Variants in TFCP2 observed in about 807,000 individuals in gnomAD.
The protein encoded by TFCP2 is transcription factor CP2.
A neutral mutation model predicts 73.4 loss-of-function variants in TFCP2; 33 were observed. The observed-to-expected ratio is 0.45, with a 90% CI of 0.34 to 0.60. TFCP2 has a LOEUF of 0.60. Ranked by LOEUF, TFCP2 falls within the 20% of genes least tolerant of loss-of-function variation. The pLI is 0.01. For synonymous variants in TFCP2, 193 were observed against 211.6 expected (o/e 0.91, Z 0.76); for missense variants, 352 against 604.0 (o/e 0.58, Z 4.37).
intron 1 of TFCP2, among the ~76,000 whole-genome samples, chr12:51,127,623 C>A (rs1940843833): frequency 6.6e-6 from 1 of 152,320 alleles, no homozygotes; most frequent in African/African-American, 2.4e-5. Flanking sequence ...AGAGACAGAA[C>A]ATCTCAATTC....
rs149979645 is a variant in TFCP2 at position 51,102,735 on chromosome 12, T to C, written c.1061-710A>G. ...GAGACTCCGTCTCAAAAAATAAATA[T>C]ATAAATAAATCCTGGATTCACCTCA... is the stretch of plus-strand genomic sequence containing the variant. On this transcript the variant is annotated intron_variant, in intron 10 of 14. Transcript: ENST00000257915. Among the ~76,000 whole-genome samples the C allele has an allele frequency of 2.0e-5, 3 of 151,424 alleles. No individual in the cohort carries two copies. The East Asian group carries it at 5.9e-4, about 30-fold the overall frequency.
chr12:51,146,200 C>T (rs1034810364), intron 1 of TFCP2, among the ~76,000 whole-genome samples: 5 of 151,200 alleles, frequency 3.3e-5, no homozygotes, highest in African/African-American at 4.9e-5. Flanking sequence ...CTCAGCTACT[C>T]GGGAGGCTAA....
chr12:51,113,164 T>C (rs1057353914), intron 4 of TFCP2, among the ~76,000 whole-genome samples: 1 of 152,224 alleles, frequency 6.6e-6, no homozygotes, highest in Non-Finnish European at 1.5e-5. Flanking sequence ...CACTCCACAA[T>C]ATTAGTTGTG....
At chr12:51,097,819 C>T (rs1004773779) in intron 13 of TFCP2, among the ~76,000 whole-genome samples, 4 of 151,696 alleles carry the variant, frequency 2.6e-5, no homozygotes, top group African/African-American at 9.7e-5. Flanking sequence ...GAGTTCGAGA[C>T]CAGACTGGCC....
chr12:51,108,909 C>T (rs1282396175), intron 6 of TFCP2, among the ~76,000 whole-genome samples: 1 of 152,172 alleles, frequency 6.6e-6, no homozygotes, highest in Non-Finnish European at 1.5e-5. Flanking sequence ...GTTCTTGCCT[C>T]TAGCCCTCTT....
chr12:51,160,133 ATTTT>A (rs372316760), intron 1 of TFCP2, among the ~76,000 whole-genome samples: 3 of 126,352 alleles, frequency 2.4e-5, no homozygotes, highest in African/African-American at 3.0e-5. Context: ...TCCTCTCTGA[ATTTT>A]TTTTTTTTTT....
chr12:51,101,923 C>A lies in TFCP2; in HGVS notation c.1151+12G>T. 1 of 1,574,896 alleles carries A rather than the reference C, an allele frequency of 6.3e-7. No homozygotes were observed. The highest frequency in any genetic ancestry group is 2.2e-5 in the East Asian group (1 of 44,648). On this transcript the variant is annotated intron_variant, in intron 11 of 14. Transcript: ENST00000257915. ...TCCCAACCTTATTGATATTTTAACA[C>A]TAATTACATACCGGCCTTTTAATGC...
At chr12:51,108,629 C>T (rs1020272194) in intron 6 of TFCP2, among the ~76,000 whole-genome samples, 3 of 151,968 alleles carry the variant, frequency 2.0e-5, no homozygotes, top group Non-Finnish European at 4.4e-5. Context: ...CAAAAATTAG[C>T]CCGGTGTGGT....
chr12:51,161,908 C>CA (rs542310982), intron 1 of TFCP2, among the ~76,000 whole-genome samples: 33 of 149,696 alleles, frequency 2.2e-4, no homozygotes, highest in Admixed American at 8.0e-4. Context: ...AACAAACAAA[C>CA]AAAAAAACTA....
At position 51,172,398 on chromosome 12, in the gene TFCP2, G is replaced by C. The variant is rs2137057610; in HGVS notation, c.25C>G (p.Leu9Val). The change falls in exon 1 of 15, where the codon CTG (leucine) becomes GTG (valine). Residue 9 changes from leucine to valine, a missense_variant. By Grantham distance (32) the Leu-to-Val change is conservative. This residue lies in a region of TFCP2 where 76 missense variants were observed against 163.2 expected (regional missense o/e 0.47). Transcript: ENST00000257915. The part of the protein sequence containing the change: MAWALKLP[L>V]ADEVIESGLV... ...CCGGATTCAATCACTTCGTCGGCCA[G>C]AGGCAGCTTCAGAGCCCAGGCCATC... is the stretch of plus-strand genomic sequence containing the variant. 1 of 1,614,140 alleles carries C rather than the reference G, an allele frequency of 6.2e-7. No individual in the cohort carries two copies. Among genetic ancestry groups the C allele is most frequent in the Non-Finnish European group, 8.5e-7 (1 of 1,180,032 alleles).
At chr12:51,160,922 A>G (rs1941634314) in intron 1 of TFCP2, among the ~76,000 whole-genome samples, 1 of 152,174 alleles carries the variant, frequency 6.6e-6, no homozygotes. Flanking sequence ...TTTGTCCTCC[A>G]AAAATTGAAG....
At chr12:51,142,093 C>G (rs1331777256) in intron 1 of TFCP2, among the ~76,000 whole-genome samples, 2 of 147,256 alleles carry the variant, frequency 1.4e-5, no homozygotes, top group Non-Finnish European at 3.0e-5. Flanking sequence ...ATCCCAGCTA[C>G]TCAGGAGGCT....
chr12:51,100,341 T>C (rs1226418833), intron 11 of TFCP2, among the ~76,000 whole-genome samples: 1 of 152,190 alleles, frequency 6.6e-6, no homozygotes, highest in Non-Finnish European at 1.5e-5. Context: ...CTGTTCTTCT[T>C]AGAGAAAGGT....
chr12:51,115,082 AGC>A, intron 4 of TFCP2, among the ~76,000 whole-genome samples: 1 of 149,098 alleles, frequency 6.7e-6, no homozygotes, highest in Non-Finnish European at 1.5e-5. Flanking sequence ...AAAAAAGGAA[AGC>A]AACAAGTGTT....
chr12:51,104,252 G>A (rs776954940), intron 8 of TFCP2, 49 bp from the exon 9 acceptor site: 8 of 1,509,362 alleles, frequency 5.3e-6, no homozygotes, highest in Non-Finnish European at 9.1e-7. Context: ...ACATGCTGGG[G>A]CTCATTATTT....
intron 4 of TFCP2, among the ~76,000 whole-genome samples, chr12:51,112,498 A>G (rs1200436682): frequency 1.3e-5 from 2 of 152,188 alleles, no homozygotes; most frequent in Non-Finnish European, 2.9e-5. Context: ...ATTGCTATTG[A>G]AGGGGTGCAG....
At chr12:51,132,444 C>T (rs1388220401) in intron 1 of TFCP2, among the ~76,000 whole-genome samples, 1 of 137,260 alleles carries the variant, frequency 7.3e-6, no homozygotes, top group Non-Finnish European at 1.5e-5. Flanking sequence ...TCTCGGCTCA[C>T]TGGAACCTCC....
chr12:51,103,293 A>AG (rs1940155168), intron 10 of TFCP2, among the ~76,000 whole-genome samples: 1 of 151,648 alleles, frequency 6.6e-6, no homozygotes, highest in South Asian at 2.1e-4. Context: ...AAAGAAAAAG[A>AG]AAAAAAAAGC....
At chr12:51,121,560 G>A (rs912144898) in intron 1 of TFCP2, among the ~76,000 whole-genome samples, 2 of 150,484 alleles carry the variant, frequency 1.3e-5, no homozygotes, top group African/African-American at 4.9e-5. Flanking sequence ...CCACCTCCCG[G>A]GTTCAAGTGA....
Sources: gnomAD v4.1 joint callset for allele counts (sites outside exome capture counted in the v4.1 genomes callset) on GRCh38, gnomAD v4.1.1 for gene constraint, gnomAD v4.1.1 regional missense constraint, MANE v1.5 for transcripts, NCBI Gene and HGNC (gene_info 2026-07-23, HGNC 2026-07-21) for gene names.